MYOF: variants seen among roughly 807,000 people sequenced by gnomAD.
MYOF encodes the protein fer-1-like 3, myoferlin.
A neutral mutation model predicts 284.2 loss-of-function variants in MYOF; 244 were observed. That is an observed-to-expected ratio of 0.86 (90% CI 0.77 to 0.95). MYOF has a LOEUF of 0.95. MYOF is among the 40% of genes least tolerant of loss of function. The pLI is 0.00. For synonymous variants in MYOF, 904 were observed against 919.7 expected, an observed-to-expected ratio of 0.98 and a Z score of 0.31; for missense variants, 2,496 against 2,560.6, an observed-to-expected ratio of 0.97 and a Z score of 0.54.
intron 3 of MYOF, among the ~76,000 whole-genome samples, chr10:93,440,628 T>C (rs1196076430): frequency 2.6e-5 from 4 of 152,228 alleles, no homozygotes; most frequent in Non-Finnish European, 5.9e-5. Flanking sequence ...TAGAGCTGTG[T>C]CTGACACATA....
At chr10:93,430,747 AG>A (rs1229602204) in intron 4 of MYOF, among the ~76,000 whole-genome samples, 1 of 152,204 alleles carries the variant, frequency 6.6e-6, no homozygotes, top group African/African-American at 2.4e-5. Context: ...CTACACCTAG[AG>A]GGGGTCACCC....
In MYOF at chr10:93,340,140, A is replaced by G. The variant is rs755131300; in HGVS notation, c.4338+13T>C. The G allele has an allele frequency of 1.2e-6, 2 of 1,613,898 alleles. No homozygotes were observed. Among genetic ancestry groups the G allele is most frequent in the Admixed American group, 1.7e-5 (1 of 60,022 alleles). ...ATGAATCTTAAATGTAGCAAAATGT[A>G]TACCATAGTTACCTTTTCTGTCAGC... On this transcript the variant is annotated intron_variant, in intron 39 of 53. Coordinates refer to ENST00000359263, the MANE Select transcript of MYOF (RefSeq NM_013451.4).
intron 48 of MYOF, among the ~76,000 whole-genome samples, chr10:93,322,418 C>T (rs1200524858): frequency 6.6e-6 from 1 of 152,162 alleles, no homozygotes; most frequent in Non-Finnish European, 1.5e-5. Flanking sequence ...GAGCTAACTA[C>T]CTTGCCCAGA....
At chr10:93,444,332 G>A (rs2056366394) in intron 3 of MYOF, among the ~76,000 whole-genome samples, 1 of 152,218 alleles carries the variant, frequency 6.6e-6, no homozygotes, top group African/African-American at 2.4e-5. Flanking sequence ...TTGAACAAGA[G>A]TGACATGGAG....
chr10:93,394,446 G>GTTTTTTTTTTTTTTTTT, intron 16 of MYOF, among the ~76,000 whole-genome samples: 1 of 33,512 alleles, frequency 3.0e-5, no homozygotes, highest in South Asian at 1.3e-3. Context: ...TCACCATCTT[G>GTTTTTTTTTTTTTTTTT]TCTTTTTTTT....
intron 3 of MYOF, among the ~76,000 whole-genome samples, chr10:93,440,476 C>CCT (rs2056215579): frequency 6.6e-6 from 1 of 152,088 alleles, no homozygotes; most frequent in Admixed American, 6.5e-5. Context: ...CCCACTCAGA[C>CCT]CTCACCCTGC....
chr10:93,313,281 A>G, intron 50 of MYOF, 71 bp from the exon 51 acceptor site: 3 of 1,462,204 alleles, frequency 2.1e-6, no homozygotes, highest in Non-Finnish European at 2.8e-6. Flanking sequence ...AGTGAACAGA[A>G]CGTTCTTATC....
At chr10:93,372,497 C>A (rs573851355) in intron 24 of MYOF, among the ~76,000 whole-genome samples, 1 of 152,250 alleles carries the variant, frequency 6.6e-6, no homozygotes. Flanking sequence ...CAAAAATGTT[C>A]AATTTGATTG....
chr10:93,480,619 G>A (rs953415730), intron 1 of MYOF, among the ~76,000 whole-genome samples: 2 of 151,722 alleles, frequency 1.3e-5, no homozygotes, highest in African/African-American at 4.8e-5. Flanking sequence ...GGGATTATAG[G>A]CATGTGCCAC....
Position 93,333,743 on chromosome 10 carries a change from C to T in MYOF, c.4719+15G>A, listed in dbSNP as rs1468062759. 3.2e-5 allele frequency: 51 copies of T among 1,612,402 alleles called. No homozygotes were observed. The highest frequency in any genetic ancestry group is 4.0e-5 in the Non-Finnish European group (47 of 1,178,758). On this transcript the variant is annotated intron_variant, in intron 42 of 53. Transcript: ENST00000359263. Reference sequence around the variant, plus strand: ...TATCTTGCTACAGGAGAAGGCCCCACACCCAAACTCTTACCAGGCCATTGT... The same window carrying T: ...TATCTTGCTACAGGAGAAGGCCCCATACCCAAACTCTTACCAGGCCATTGT...
intron 21 of MYOF, 74 bp from the exon 22 acceptor site, chr10:93,377,503 C>A: frequency 9.6e-7 from 1 of 1,037,222 alleles, no homozygotes. Context: ...TATAGTTTAA[C>A]CTGTGAAATC....
Position 93,343,866 on chromosome 10 carries a change from A to G in MYOF, c.4316T>C (p.Leu1439Pro). The G allele has an allele frequency of 6.2e-7, 1 of 1,614,202 alleles. No individual in the cohort carries two copies. The highest frequency in any genetic ancestry group is 2.2e-5 in the East Asian group (1 of 44,878). Reference sequence around the variant, plus strand: ...AGCTCTGAAGCCTACCTTAGAAGCCAGTAATGGTTTGGTGTCTTCCATTTC... The same window carrying G: ...AGCTCTGAAGCCTACCTTAGAAGCCGGTAATGGTTTGGTGTCTTCCATTTC... ...VIEMEDTKPL[L>P]ASKLTEKEEE... The change falls in exon 38 of 54, where the codon CTG becomes CCG. Residue 1439 changes from leucine to proline, a missense_variant. Leu to Pro is a moderately conservative substitution (Grantham distance 98). Around this residue, in one of 3 missense-constraint regions of MYOF, gnomAD observed 2,436 missense variants for 2,480.7 expected, o/e 0.98. Transcript: ENST00000359263.
At chr10:93,409,832 T>C in intron 5 of MYOF, 93 bp from the exon 6 acceptor site, 4 of 1,492,954 alleles carry the variant, frequency 2.7e-6, no homozygotes, top group Non-Finnish European at 3.7e-6. Context: ...TGTCTGCCAT[T>C]ATGTTTTAAG....
rs1844506950 is a variant in MYOF, at chr10:93,351,477, A to C, written c.3758T>G (p.Val1253Gly). The C allele has an allele frequency of 1.2e-6, 2 of 1,614,106 alleles. No individual in the cohort carries two copies. Among genetic ancestry groups the C allele is most frequent in the African/African-American group, 2.7e-5 (2 of 74,936 alleles). ...CCCGCAGGCTTTGTCTCCATTCATT[A>C]CTGGGTGCCAGAGAAGTTTGGGTGT... ...DITPKLLWHP[V>G]MNGDKACGDV... is the part of the protein sequence containing the mutation. The change falls in exon 34 of 54, where the codon GTA becomes GGA. Residue 1253 changes from valine (V) to glycine (G), a missense_variant. Val to Gly is a moderately radical substitution (Grantham distance 109). This residue lies in a region of MYOF where 2,436 missense variants were observed against 2,480.7 expected (regional missense o/e 0.98). Transcript: ENST00000359263.
chr10:93,375,036 T>C (rs756526591), intron 22 of MYOF, 81 bp from the exon 23 acceptor site: 2 of 1,355,138 alleles, frequency 1.5e-6, no homozygotes, highest in Non-Finnish European at 1.0e-6. Context: ...AATACATTTA[T>C]GTTGGATTTC....
At chr10:93,347,845 T>C in intron 36 of MYOF, 63 bp from the exon 37 acceptor site, 1 of 1,516,068 alleles carries the variant, frequency 6.6e-7, no homozygotes, top group Non-Finnish European at 9.0e-7. Context: ...TGAGAAAAAT[T>C]CCCCAGATGG....
chr10:93,476,355 G>T (rs1286671799), intron 1 of MYOF, among the ~76,000 whole-genome samples: 1 of 145,190 alleles, frequency 6.9e-6, no homozygotes, highest in South Asian at 2.2e-4. Context: ...AGGTCCAAGC[G>T]ATTCTCCTGC....
At chr10:93,375,668 C>G (rs1845805486) in intron 22 of MYOF, among the ~76,000 whole-genome samples, 1 of 152,226 alleles carries the variant, frequency 6.6e-6, no homozygotes, top group Non-Finnish European at 1.5e-5. Context: ...AGAATAGTTG[C>G]ATAGCAACGT....
intron 32 of MYOF, among the ~76,000 whole-genome samples, chr10:93,352,233 G>A (rs1433687857): frequency 6.6e-6 from 1 of 152,142 alleles, no homozygotes; most frequent in Non-Finnish European, 1.5e-5. Context: ...CTTCCTAAAC[G>A]TTGATCCCCT....
Sources: gnomAD v4.1 joint callset for allele counts (sites outside exome capture counted in the v4.1 genomes callset) on GRCh38, gnomAD v4.1.1 for gene constraint, gnomAD v4.1.1 regional missense constraint, MANE v1.5 for transcripts, NCBI Gene and HGNC (gene_info 2026-07-23, HGNC 2026-07-21) for gene names.